Variants in AKAP7 observed in about 807,000 individuals in gnomAD.
AKAP7 encodes A-kinase anchoring protein 7.
In AKAP7, 39 loss-of-function variants were observed where a neutral mutation model predicts 39.5. That is an observed-to-expected ratio of 0.99 (90% CI 0.76 to 1.29). The LOEUF (loss-of-function observed/expected upper bound fraction) is 1.29, where lower values mean the gene tolerates loss of function less well. Among genes scored for constraint, AKAP7 ranks in the 50% most tolerant of loss-of-function variants. AKAP7 has a pLI of 0.00. For missense variants in AKAP7, 414 were observed against 407.7 expected (o/e 1.02, Z -0.13); for synonymous variants, 140 against 139.1 (o/e 1.01, Z -0.05).
At chr6:131,204,403 T>C (rs761654275) in intron 6 of AKAP7, among the ~76,000 whole-genome samples, 2 of 152,208 alleles carry the variant, frequency 1.3e-5, no homozygotes, top group African/African-American at 2.4e-5. Flanking sequence ...CTCTTTAGTA[T>C]ATAAAATCTA....
chr6:131,144,287 AG>A (rs1196574805), intron 1 of AKAP7, among the ~76,000 whole-genome samples: 2 of 152,004 alleles, frequency 1.3e-5, no homozygotes, highest in Non-Finnish European at 2.9e-5. Flanking sequence ...CACACCTCCC[AG>A]ACGGGGTCGT....
At position 131,192,430 on chromosome 6, in the gene AKAP7, CT is replaced by C. The variant is rs1806504058; in HGVS notation, c.590-7030del. ...TTGATTTGTTTCTGGGTTCTCTATT[CT>C]GCTCCATTGATCTATATGTCTGTTT... On this transcript the variant is annotated intron_variant, in intron 5 of 7. Coordinates refer to ENST00000431975, the MANE Select transcript of AKAP7 (RefSeq NM_016377.4). Among the ~76,000 whole-genome samples the C allele has an allele frequency of 2.0e-5, 3 of 152,148 alleles. No homozygotes were observed. In the South Asian group the frequency reaches 6.2e-4, roughly 32 times the overall value.
chr6:131,159,339 C>T (rs111443518), intron 2 of AKAP7, among the ~76,000 whole-genome samples: 3,888 of 151,580 alleles, frequency 0.026, 154 homozygotes, highest in East Asian at 0.19. Context: ...GTGATTCGCC[C>T]GCCTCGGCCT....
At chr6:131,168,824 T>C (rs1295478971) in intron 4 of AKAP7, among the ~76,000 whole-genome samples, 1 of 152,220 alleles carries the variant, frequency 6.6e-6, no homozygotes, top group Admixed American at 6.5e-5. Flanking sequence ...GTTGTTCATA[T>C]AATATTTCAC....
At chr6:131,187,065 T>C (rs1000119362) in intron 5 of AKAP7, among the ~76,000 whole-genome samples, 4 of 152,216 alleles carry the variant, frequency 2.6e-5, no homozygotes, top group African/African-American at 9.6e-5. Flanking sequence ...ATCTCTAACT[T>C]TGATCTTCTT....
intron 5 of AKAP7, among the ~76,000 whole-genome samples, chr6:131,182,579 C>T (rs569303946): frequency 6.6e-6 from 1 of 152,248 alleles, no homozygotes; most frequent in African/African-American, 2.4e-5. Flanking sequence ...GGACTCTTGG[C>T]TATTGTGAAT....
At chr6:131,269,523 A>G (rs894786641) in intron 7 of AKAP7, among the ~76,000 whole-genome samples, 2 of 152,210 alleles carry the variant, frequency 1.3e-5, no homozygotes, top group African/African-American at 4.8e-5. Flanking sequence ...GTTACCATAT[A>G]GTAGAGAACA....
At chr6:131,197,110 A>G (rs1468510403) in intron 5 of AKAP7, among the ~76,000 whole-genome samples, 1 of 151,786 alleles carries the variant, frequency 6.6e-6, no homozygotes, top group Non-Finnish European at 1.5e-5. Flanking sequence ...TAACCATGTA[A>G]GTTCTCTCTT....
Position 131,213,753 on chromosome 6 carries a change from C to T in AKAP7, c.703-5908C>T, listed in dbSNP as rs1479767011. On this transcript the variant is annotated intron_variant, in intron 6 of 7. Transcript: ENST00000431975. The stretch of plus-strand genomic sequence containing the variant: ...GTGGCCAAACAGCATATGGTCTCTC[C>T]TGCAGGAAATGAGAAGGAGGAGGAC... Among the ~76,000 whole-genome samples, 4 of 152,072 alleles carry T rather than the reference C, an allele frequency of 2.6e-5. No homozygotes were observed. The East Asian group carries it at 7.7e-4, about 29-fold the overall frequency.
intron 4 of AKAP7, among the ~76,000 whole-genome samples, 184 bp downstream of exon 4, chr6:131,165,401 T>C (rs1803381713): frequency 6.6e-6 from 1 of 152,172 alleles, no homozygotes. Context: ...ACTTTTAAAC[T>C]CTGTTATGGT....
intron 6 of AKAP7, among the ~76,000 whole-genome samples, chr6:131,205,463 C>G (rs1048989957): frequency 6.6e-6 from 1 of 152,052 alleles, no homozygotes; most frequent in Non-Finnish European, 1.5e-5. Context: ...GTCCTGTCCT[C>G]TGGTAGGCAC....
At chr6:131,130,792 A>G (rs1800309241), upstream of AKAP7, among the ~76,000 whole-genome samples, 1 of 152,196 alleles carries the variant, frequency 6.6e-6, no homozygotes, top group South Asian at 2.1e-4. Context: ...TAGTTTTGCC[A>G]GACACCACTT....
chr6:131,227,578 G>C (rs1304537282), intron 7 of AKAP7, among the ~76,000 whole-genome samples: 1 of 152,172 alleles, frequency 6.6e-6, no homozygotes, highest in African/African-American at 2.4e-5. Context: ...ATTAATTTCA[G>C]ACTGTAGCAT....
chr6:131,264,759 A>G (rs1301956832), intron 7 of AKAP7, among the ~76,000 whole-genome samples: 2 of 152,176 alleles, frequency 1.3e-5, no homozygotes, highest in Non-Finnish European at 2.9e-5. Flanking sequence ...CTGAACAGGA[A>G]GCACGGTGCT....
At chr6:131,223,204 G>T (rs1177661073) in intron 7 of AKAP7, among the ~76,000 whole-genome samples, 2 of 152,090 alleles carry the variant, frequency 1.3e-5, no homozygotes, top group South Asian at 2.1e-4. Context: ...TTGCTTTATT[G>T]CAATAGTCTG....
chr6:131,210,846 G>A (rs1005525901), intron 6 of AKAP7, among the ~76,000 whole-genome samples: 3 of 151,996 alleles, frequency 2.0e-5, no homozygotes, highest in South Asian at 2.1e-4. Context: ...CATGTTTCAC[G>A]ACTTGGTCCC....
chr6:131,130,070 A>T, the AKAP7 span, among the ~76,000 whole-genome samples: 1 of 152,240 alleles, frequency 6.6e-6, no homozygotes, highest in Non-Finnish European at 1.5e-5. Context: ...AGTTCCTGAA[A>T]GTCAGAAATG....
At chr6:131,143,577 C>T (rs932974292) in intron 1 of AKAP7, among the ~76,000 whole-genome samples, 4 of 152,124 alleles carry the variant, frequency 2.6e-5, no homozygotes, top group Admixed American at 6.5e-5. Flanking sequence ...GGAAATTACC[C>T]AGCCTCAGGT....
chr6:131,153,216 G>T (rs971220482), intron 2 of AKAP7, among the ~76,000 whole-genome samples: 1 of 151,710 alleles, frequency 6.6e-6, no homozygotes, highest in Non-Finnish European at 1.5e-5. Flanking sequence ...ATTAAGAAAA[G>T]TGTATTACAA....
Sources: gnomAD v4.1 joint callset for allele counts (sites outside exome capture counted in the v4.1 genomes callset) on GRCh38, gnomAD v4.1.1 for gene constraint, MANE v1.5 for transcripts, NCBI Gene and HGNC (gene_info 2026-07-23, HGNC 2026-07-21) for gene names.